Variants in ZFAND3 observed in about 807,000 individuals in gnomAD.
The protein encoded by ZFAND3 is zinc finger AN1-type containing 3.
In ZFAND3, 10 loss-of-function variants were observed where a neutral mutation model predicts 29.6. The ratio of observed to expected loss-of-function variants is 0.34; its 90% CI spans 0.21 to 0.57. The LOEUF (loss-of-function observed/expected upper bound fraction) is 0.57, where lower values mean the gene tolerates loss of function less well. Among genes scored for constraint, ZFAND3 ranks in the 20% least tolerant of loss-of-function variants. The pLI is 0.86. For missense variants in ZFAND3, 230 were observed against 304.5 expected (o/e 0.76, Z 1.82); for synonymous variants, 128 against 112.6 (o/e 1.14, Z -0.87).
intron 2 of ZFAND3, among the ~76,000 whole-genome samples, chr6:37,972,614 T>A (rs1762408755): frequency 1.3e-5 from 2 of 152,118 alleles, no homozygotes; most frequent in Non-Finnish European, 2.9e-5. Flanking sequence ...TTTATTTGAA[T>A]GAGATTATTA....
chr6:37,933,992 A>T (rs908230293), intron 2 of ZFAND3, among the ~76,000 whole-genome samples: 5 of 146,346 alleles, frequency 3.4e-5, no homozygotes, highest in Non-Finnish European at 5.9e-5. Flanking sequence ...GGTTCAAGTG[A>T]TTGTCCCGCC....
At chr6:38,008,860 T>TA (rs552760432) in intron 2 of ZFAND3, among the ~76,000 whole-genome samples, 2,624 of 145,994 alleles carry the variant, frequency 0.018, 74 homozygotes, top group African/African-American at 0.056. Context: ...CTGTGATCTG[T>TA]AAAAAAAAAA....
At chr6:38,038,146 G>A (rs1319047423) in intron 2 of ZFAND3, among the ~76,000 whole-genome samples, 1 of 152,158 alleles carries the variant, frequency 6.6e-6, no homozygotes, top group Non-Finnish European at 1.5e-5. Flanking sequence ...CAGCTGGCCC[G>A]AGGCCTCTAG....
At chr6:38,001,485 C>T (rs576398622) in intron 2 of ZFAND3, among the ~76,000 whole-genome samples, 42 of 152,310 alleles carry the variant, frequency 2.8e-4, no homozygotes, top group African/African-American at 1.0e-3. Flanking sequence ...ATTTATTTTT[C>T]CTAGGATCTT....
At chr6:38,073,891 G>A (rs1284669488) in intron 3 of ZFAND3, among the ~76,000 whole-genome samples, 1 of 152,134 alleles carries the variant, frequency 6.6e-6, no homozygotes, top group Non-Finnish European at 1.5e-5. Context: ...GAATGTCTTG[G>A]TTTGAAATTT....
At chr6:37,955,445 A>T (rs1762072012) in intron 2 of ZFAND3, among the ~76,000 whole-genome samples, 1 of 152,164 alleles carries the variant, frequency 6.6e-6, no homozygotes, top group Non-Finnish European at 1.5e-5. Context: ...GCCTTTAGTG[A>T]TATATGTGCC....
chr6:38,028,199 T>C (rs780199127), intron 2 of ZFAND3, among the ~76,000 whole-genome samples: 1 of 152,220 alleles, frequency 6.6e-6, no homozygotes, highest in South Asian at 2.1e-4. Flanking sequence ...GTGCCTCATA[T>C]TGAAATTTAG....
intron 2 of ZFAND3, among the ~76,000 whole-genome samples, chr6:37,982,458 A>G (rs1290053222): frequency 6.6e-6 from 1 of 152,178 alleles, no homozygotes; most frequent in East Asian, 1.9e-4. Flanking sequence ...ATGTGTAACA[A>G]TGTTTGCATC....
At chr6:37,965,038 C>T (rs1012811380) in intron 2 of ZFAND3, among the ~76,000 whole-genome samples, 3 of 152,150 alleles carry the variant, frequency 2.0e-5, no homozygotes, top group Non-Finnish European at 4.4e-5. Context: ...TTTAAACTAT[C>T]TGTGGTAAAA....
rs1487064109 is a variant in ZFAND3 at position 37,924,266 on chromosome 6, TG to T, written c.72-5691del. Among the ~76,000 whole-genome samples, 732 of 136,728 alleles carry T rather than the reference TG, an allele frequency of 5.4e-3. 2 individuals carry two copies. Among genetic ancestry groups the T allele is most frequent in the Non-Finnish European group, 7.9e-3 (456 of 57,852 alleles). The allele number at this position is 136,728 out of a possible 152,430, so 89.7% of individuals were successfully genotyped here. Reference sequence around the variant, plus strand: ...AATTGTGGAGAACCTGTCTTCTAGCTGGTGTTTGACCTCTACAAAATACATT... The same window carrying T: ...AATTGTGGAGAACCTGTCTTCTAGCTGTGTTTGACCTCTACAAAATACATT... On this transcript the variant is annotated intron_variant, in intron 1 of 5. Transcript: ENST00000287218.
At position 37,878,938 on chromosome 6, in the gene ZFAND3, C is replaced by T. The variant is rs563369615; in HGVS notation, c.72-51021C>T. Among the ~76,000 whole-genome samples, 3 of 152,278 alleles carry T rather than the reference C, an allele frequency of 2.0e-5. No homozygotes were observed. The South Asian group carries it at 6.2e-4, about 32-fold the overall frequency. ...AGGTCAGCTGCTCCAGGTAACCTTT[C>T]CCAGCCCTGTGAGTTAATTCTAGAG... On this transcript the variant is annotated intron_variant, in intron 1 of 5. Coordinates refer to ENST00000287218, the MANE Select transcript of ZFAND3 (RefSeq NM_021943.3).
intron 1 of ZFAND3, among the ~76,000 whole-genome samples, chr6:37,927,364 A>G (rs1220728896): frequency 6.6e-6 from 1 of 152,190 alleles, no homozygotes; most frequent in African/African-American, 2.4e-5. Context: ...TTTTTGTGGC[A>G]TTGCGTGGAC....
At chr6:38,144,995 T>C (rs1374722115) in intron 5 of ZFAND3, among the ~76,000 whole-genome samples, 1 of 152,196 alleles carries the variant, frequency 6.6e-6, no homozygotes, top group Non-Finnish European at 1.5e-5. Context: ...GGAAATTCTG[T>C]GTAAAAGGGC....
chr6:38,027,258 A>G (rs1393482843), intron 2 of ZFAND3, among the ~76,000 whole-genome samples: 1 of 152,236 alleles, frequency 6.6e-6, no homozygotes, highest in Non-Finnish European at 1.5e-5. Context: ...TCTCCCAAAT[A>G]TGAATTTGGC....
At chr6:37,858,170 G>A (rs1288422259) in intron 1 of ZFAND3, among the ~76,000 whole-genome samples, 1 of 152,140 alleles carries the variant, frequency 6.6e-6, no homozygotes, top group Non-Finnish European at 1.5e-5. Context: ...TTGACCCTAG[G>A]TGTCCAGTCA....
chr6:38,149,241 C>T (rs777789995), intron 5 of ZFAND3, among the ~76,000 whole-genome samples: 1 of 151,690 alleles, frequency 6.6e-6, no homozygotes, highest in Non-Finnish European at 1.5e-5. Flanking sequence ...GACCTTGTCT[C>T]TACAAAAATA....
chr6:38,068,499 T>C (rs1014557119), intron 3 of ZFAND3, among the ~76,000 whole-genome samples: 3 of 152,178 alleles, frequency 2.0e-5, no homozygotes, highest in Non-Finnish European at 4.4e-5. Flanking sequence ...GATACACATG[T>C]TCCTAGAATC....
intron 1 of ZFAND3, among the ~76,000 whole-genome samples, chr6:37,877,833 C>G (rs1554151432): frequency 6.6e-6 from 1 of 152,150 alleles, no homozygotes; most frequent in Non-Finnish European, 1.5e-5. Flanking sequence ...CCAAACCAGA[C>G]AAAGTCTTGG....
At chr6:38,010,725 G>A (rs923994649) in intron 2 of ZFAND3, among the ~76,000 whole-genome samples, 2 of 150,838 alleles carry the variant, frequency 1.3e-5, no homozygotes, top group Non-Finnish European at 3.0e-5. Context: ...TCAGCCTCCC[G>A]AGTAGCTGGG....
Sources: gnomAD v4.1 joint callset for allele counts (sites outside exome capture counted in the v4.1 genomes callset) on GRCh38, gnomAD v4.1.1 for gene constraint, MANE v1.5 for transcripts, NCBI Gene and HGNC (gene_info 2026-07-23, HGNC 2026-07-21) for gene names.